The following MGAT4C variants were observed in gnomAD, a reference collection of about 807,000 sequenced individuals.
The protein encoded by MGAT4C is alpha-1,3-mannosyl-glycoprotein 4-beta-N-acetylglucosaminyltransferase C.
Under a neutral mutation model 40.1 loss-of-function variants are expected in MGAT4C, and 19 were observed. The ratio of observed to expected loss-of-function variants is 0.47; its 90% CI spans 0.33 to 0.70. The LOEUF (loss-of-function observed/expected upper bound fraction) is 0.70. MGAT4C is among the 30% of genes least tolerant of loss of function. MGAT4C has a pLI of 0.02. For synonymous variants in MGAT4C, 181 were observed against 187.1 expected, an observed-to-expected ratio of 0.97 and a Z score of 0.27; for missense variants, 491 against 563.2, an observed-to-expected ratio of 0.87 and a Z score of 1.30.
Position 86,220,729 on chromosome 12 carries a change from A to T in MGAT4C, c.-57+35510T>A, listed in dbSNP as rs1366121808. 2.0e-5 allele frequency among the ~76,000 whole-genome samples: 3 copies of T among 152,176 alleles called. No individual in the cohort carries two copies. The East Asian group carries it at 5.8e-4, about 29-fold the overall frequency. Reference sequence around the variant, plus strand: ...AGTGGAAAATAAGGGGCTACTGTGGACTAAATATTCTGACAGTAGCATTAT... The same window carrying T: ...AGTGGAAAATAAGGGGCTACTGTGGTCTAAATATTCTGACAGTAGCATTAT... On this transcript the variant is annotated intron_variant, in intron 1 of 4. Transcript: ENST00000611864.
intron 2 of MGAT4C, among the ~76,000 whole-genome samples, chr12:86,436,626 G>A (rs898549834): frequency 1.3e-5 from 2 of 151,586 alleles, no homozygotes; most frequent in Admixed American, 6.6e-5. Context: ...CAAAGGATAA[G>A]GACTTGAAAT....
intron 2 of MGAT4C, among the ~76,000 whole-genome samples, chr12:86,587,617 A>C (rs1961113515): frequency 6.6e-6 from 1 of 151,848 alleles, no homozygotes. Context: ...GTCCTCTTTT[A>C]TTTCCTTGAG....
At chr12:86,710,515 A>T (rs1276369169) in intron 2 of MGAT4C, among the ~76,000 whole-genome samples, 1 of 152,204 alleles carries the variant, frequency 6.6e-6, no homozygotes, top group Non-Finnish European at 1.5e-5. Context: ...TTCAAGAGTA[A>T]GGTGGCATCT....
At chr12:86,600,028 T>C (rs1961705804) in intron 2 of MGAT4C, among the ~76,000 whole-genome samples, 1 of 152,058 alleles carries the variant, frequency 6.6e-6, no homozygotes, top group Admixed American at 6.6e-5. Flanking sequence ...GGTGACAAGT[T>C]CCATGAAAGT....
chr12:86,439,445 A>G (rs1957190778), intron 2 of MGAT4C, among the ~76,000 whole-genome samples: 1 of 152,082 alleles, frequency 6.6e-6, no homozygotes, highest in Non-Finnish European at 1.5e-5. Context: ...CAGTGACACA[A>G]GTTATCAAAA....
At chr12:86,087,356 T>C (rs1872056981) in intron 1 of MGAT4C, among the ~76,000 whole-genome samples, 1 of 152,146 alleles carries the variant, frequency 6.6e-6, no homozygotes, top group Non-Finnish European at 1.5e-5. Context: ...TAAAATATTC[T>C]TGGATTTCTT....
At chr12:86,492,650 G>C (rs575604078) in intron 2 of MGAT4C, among the ~76,000 whole-genome samples, 1 of 152,124 alleles carries the variant, frequency 6.6e-6, no homozygotes, top group South Asian at 2.1e-4. Flanking sequence ...ATTAATTCAA[G>C]ATGGATTAAA....
At chr12:86,574,193 A>AAG (rs1306305725) in intron 2 of MGAT4C, among the ~76,000 whole-genome samples, 1 of 151,752 alleles carries the variant, frequency 6.6e-6, no homozygotes, top group Non-Finnish European at 1.5e-5. Flanking sequence ...TTGAGAGAAA[A>AAG]AGAGAGAGTA....
intron 4 of MGAT4C, among the ~76,000 whole-genome samples, chr12:86,289,645 G>A (rs143120662): frequency 8.4e-4 from 128 of 152,172 alleles, no homozygotes; most frequent in African/African-American, 2.9e-3. Flanking sequence ...GTATTCCTAG[G>A]TATTTTATTC....
intron 2 of MGAT4C, among the ~76,000 whole-genome samples, chr12:86,448,704 G>A (rs993819727): frequency 1.3e-5 from 2 of 152,120 alleles, no homozygotes; most frequent in East Asian, 3.9e-4. Context: ...TTTCTTCTAA[G>A]ATTGACAAAG....
chr12:86,770,297 A>G (rs148150668), intron 1 of MGAT4C, among the ~76,000 whole-genome samples: 2 of 152,184 alleles, frequency 1.3e-5, no homozygotes, highest in East Asian at 3.9e-4. Flanking sequence ...ATGAATGCAG[A>G]CTTTAAACTG....
At chr12:86,523,217 G>T (rs910472676) in intron 2 of MGAT4C, among the ~76,000 whole-genome samples, 1 of 152,134 alleles carries the variant, frequency 6.6e-6, no homozygotes, top group South Asian at 2.1e-4. Flanking sequence ...ACTTTTTGAT[G>T]TTGGCATTCG....
chr12:86,035,776 A>G (rs983934816), intron 2 of MGAT4C, among the ~76,000 whole-genome samples: 8 of 149,736 alleles, frequency 5.3e-5, no homozygotes, highest in African/African-American at 1.9e-4. Flanking sequence ...AGGGAACCCC[A>G]TTTCAGCTTT....
intron 4 of MGAT4C, among the ~76,000 whole-genome samples, chr12:86,328,920 A>G (rs1447489735): frequency 6.6e-6 from 1 of 151,780 alleles, no homozygotes; most frequent in Non-Finnish European, 1.5e-5. Flanking sequence ...CCTGGCCAAC[A>G]TGGTAAAACT....
chr12:86,018,985 C>A (rs1889373662), intron 2 of MGAT4C, among the ~76,000 whole-genome samples: 2 of 151,942 alleles, frequency 1.3e-5, no homozygotes, highest in Non-Finnish European at 2.9e-5. Flanking sequence ...ACTTATTTAC[C>A]AACTTCTCTT....
intron 1 of MGAT4C, among the ~76,000 whole-genome samples, chr12:86,169,633 C>T (rs1405941981): frequency 6.6e-6 from 1 of 152,110 alleles, no homozygotes; most frequent in Non-Finnish European, 1.5e-5. Context: ...CTCCCTACAA[C>T]CTAACAGAGA....
Position 85,979,861 on chromosome 12 carries a change from A to G in MGAT4C, c.865T>C (p.Leu289=), listed in dbSNP as rs753925997. ...GCCAACAGACCACGGAAATGAGTCAATAGCCAATCACAAGGCATTTCTTGA... is the reference window on the plus strand; with the variant it reads ...GCCAACAGACCACGGAAATGAGTCAGTAGCCAATCACAAGGCATTTCTTGA... ...FYQEMPCDWL[L]THFRGLLAQK... The change falls in exon 5 of 5, where the codon TTG becomes CTG. Residue 289 remains leucine, a synonymous_variant. Coordinates refer to ENST00000611864, the MANE Select transcript of MGAT4C (RefSeq NM_001351288.2). 2 of 1,613,820 alleles carry G rather than the reference A, an allele frequency of 1.2e-6. No homozygotes were observed. Among genetic ancestry groups the G allele is most frequent in the Non-Finnish European group, 1.7e-6 (2 of 1,179,812 alleles).
At chr12:86,086,983 C>T (rs1871970410) in intron 1 of MGAT4C, among the ~76,000 whole-genome samples, 1 of 151,996 alleles carries the variant, frequency 6.6e-6, no homozygotes, top group South Asian at 2.1e-4. Context: ...TCATCCATGT[C>T]GTTGTTAATG....
At chr12:86,552,026 C>CAAAAAAAAAAAAAAAAAACA in intron 2 of MGAT4C, among the ~76,000 whole-genome samples, 1 of 60,656 alleles carries the variant, frequency 1.6e-5, no homozygotes, top group Non-Finnish European at 3.4e-5. Flanking sequence ...TTAAAAAAAG[C>CAAAAAAAAAAAAAAAAAACA]AAAAAAAAAA....
Sources: allele counts gnomAD v4.1 joint callset (sites outside exome capture counted in the v4.1 genomes callset), GRCh38; gene constraint gnomAD v4.1.1; transcripts MANE v1.5; gene names NCBI Gene and HGNC (gene_info 2026-07-23, HGNC 2026-07-21).